Variants in MAN1A2 observed in about 807,000 individuals in gnomAD.
The protein encoded by MAN1A2 is mannosidase alpha class 1A member 2, also known as mannosyl-oligosaccharide 1,2-alpha-mannosidase IB.
Under a neutral mutation model 75.7 loss-of-function variants are expected in MAN1A2, and 26 were observed. That is an observed-to-expected ratio of 0.34 (90% confidence interval 0.25 to 0.48). The LOEUF (loss-of-function observed/expected upper bound fraction) is 0.48, where lower values mean the gene tolerates loss of function less well. Among genes scored for constraint, MAN1A2 ranks in the 20% least tolerant of loss-of-function variants. The pLI is 0.99. For missense variants in MAN1A2, 562 were observed against 775.5 expected (o/e 0.72, Z 3.27); for synonymous variants, 247 against 264.6 (o/e 0.93, Z 0.65).
At chr1:117,420,086 A>G (rs1320007454) in intron 4 of MAN1A2, among the ~76,000 whole-genome samples, 3 of 152,088 alleles carry the variant, frequency 2.0e-5, no homozygotes, top group Non-Finnish European at 4.4e-5. Context: ...ATAATCCATC[A>G]TTCTGCCATT....
At chr1:117,475,841 T>G (rs911888126) in intron 8 of MAN1A2, among the ~76,000 whole-genome samples, 1 of 152,172 alleles carries the variant, frequency 6.6e-6, no homozygotes, top group Non-Finnish European at 1.5e-5. Flanking sequence ...GCATGCATCT[T>G]TATAGTAGAA....
chr1:117,487,812 C>T (rs956942027), intron 8 of MAN1A2, among the ~76,000 whole-genome samples: 7 of 152,026 alleles, frequency 4.6e-5, no homozygotes, highest in Admixed American at 2.6e-4. Context: ...TCCCTATCTA[C>T]TCTATTCATT....
chr1:117,509,065 C>A (rs967788119), intron 12 of MAN1A2, among the ~76,000 whole-genome samples: 31 of 150,044 alleles, frequency 2.1e-4, no homozygotes, highest in African/African-American at 7.6e-4. Context: ...TGGCATGATA[C>A]AAAACCCAAA....
intron 8 of MAN1A2, among the ~76,000 whole-genome samples, chr1:117,473,115 C>A (rs1650212873): frequency 6.6e-6 from 1 of 151,984 alleles, no homozygotes; most frequent in Non-Finnish European, 1.5e-5. Context: ...ATACCTGAAA[C>A]TTAATATATC....
intron 8 of MAN1A2, among the ~76,000 whole-genome samples, chr1:117,470,418 A>G (rs1220730770): frequency 6.6e-6 from 1 of 152,102 alleles, no homozygotes; most frequent in African/African-American, 2.4e-5. Flanking sequence ...AGCACTGTGA[A>G]TATAATTAAT....
intron 11 of MAN1A2, among the ~76,000 whole-genome samples, chr1:117,501,649 CA>C (rs1651205934): frequency 6.6e-6 from 1 of 151,698 alleles, no homozygotes; most frequent in Non-Finnish European, 1.5e-5. Context: ...CTCTTGTATC[CA>C]AAATTTCTTT....
chr1:117,425,989 T>C (rs1185712675), intron 5 of MAN1A2, among the ~76,000 whole-genome samples: 3 of 152,320 alleles, frequency 2.0e-5, no homozygotes, highest in African/African-American at 4.8e-5. Context: ...CAGCTTCCTT[T>C]AACATTTTTT....
intron 5 of MAN1A2, among the ~76,000 whole-genome samples, chr1:117,435,574 T>G (rs1006458693): frequency 6.6e-6 from 1 of 152,196 alleles, no homozygotes; most frequent in African/African-American, 2.4e-5. Flanking sequence ...CTTGTGTTAT[T>G]ATGTCAGTAG....
Position 117,526,880 on chromosome 1 carries a change from C to CTCTCTCTCTCTCTATA in MAN1A2, c.*3924_*3925insCTCTCTCTCTCTATAT. Reference sequence around the variant, plus strand: ...TCTCTCTCTCTCTCTCTCTCTCTCTCTATATATATATATATATATATATAT... The same window carrying CTCTCTCTCTCTCTATA: ...TCTCTCTCTCTCTCTCTCTCTCTCTCTCTCTCTCTCTCTATATATATATATATATATATATATATAT... On this transcript the variant is annotated 3_prime_UTR_variant, in exon 13 of 13. Coordinates refer to ENST00000356554, the MANE Select transcript of MAN1A2 (RefSeq NM_006699.5). 4.6e-4 allele frequency: 25 copies of CTCTCTCTCTCTCTATA among 54,510 alleles called. No homozygotes were observed. The highest frequency in any genetic ancestry group is 1.2e-3 in the African/African-American group (15 of 12,280). 3.4% of individuals were successfully genotyped at this position (54,510 alleles called of 1,614,324 possible).
chr1:117,521,830 C>T lies in MAN1A2; in HGVS notation c.1794-995C>T, dbSNP rs546531806. 3.9e-5 allele frequency among the ~76,000 whole-genome samples: 6 copies of T among 151,972 alleles called. 1 individual carries two copies. The highest frequency in any genetic ancestry group is 4.2e-4 in the South Asian group (2 of 4,818). Reference sequence around the variant, plus strand: ...ATAAAGAAACTGTGGTATATTTATACGATGGACTACTACTCAGCTATAAAA... The same window carrying T: ...ATAAAGAAACTGTGGTATATTTATATGATGGACTACTACTCAGCTATAAAA... On this transcript the variant is annotated intron_variant, in intron 12 of 12. Transcript: ENST00000356554.
intron 5 of MAN1A2, among the ~76,000 whole-genome samples, chr1:117,427,290 T>C (rs1648407002): frequency 6.6e-6 from 1 of 152,070 alleles, no homozygotes; most frequent in Non-Finnish European, 1.5e-5. Flanking sequence ...ATTTCTGAAA[T>C]GACCAAATAG....
chr1:117,448,365 G>A (rs1190890858), intron 6 of MAN1A2, among the ~76,000 whole-genome samples: 1 of 152,138 alleles, frequency 6.6e-6, no homozygotes, highest in African/African-American at 2.4e-5. Context: ...GCAGAAAAAT[G>A]TAGCTCATTA....
intron 1 of MAN1A2, among the ~76,000 whole-genome samples, chr1:117,377,916 C>T (rs1327858205): frequency 1.3e-5 from 2 of 151,912 alleles, no homozygotes; most frequent in East Asian, 1.9e-4. Flanking sequence ...CTGGCTAACA[C>T]GCTGAAACCC....
intron 2 of MAN1A2, among the ~76,000 whole-genome samples, chr1:117,403,041 G>A (rs1647493746): frequency 6.6e-6 from 1 of 152,068 alleles, no homozygotes; most frequent in Admixed American, 6.6e-5. Flanking sequence ...AATACCAGAT[G>A]GGAAAAATCT....
intron 2 of MAN1A2, among the ~76,000 whole-genome samples, chr1:117,404,326 ATTATATAATTCG>A (rs1003080132): frequency 3.9e-5 from 6 of 152,198 alleles, no homozygotes; most frequent in African/African-American, 1.4e-4. Flanking sequence ...TTGGTCTACT[ATTATATAATTCG>A]TCTGATATAT....
intron 4 of MAN1A2, 28 bp downstream of exon 4, chr1:117,414,859 T>G: frequency 2.3e-6 from 3 of 1,303,710 alleles, no homozygotes; most frequent in Non-Finnish European, 3.3e-6. Flanking sequence ...AACTAATCTC[T>G]TAGATTAACC....
At chr1:117,415,017 T>C (rs954982729) in intron 4 of MAN1A2, among the ~76,000 whole-genome samples, 186 bp downstream of exon 4, 2 of 151,942 alleles carry the variant, frequency 1.3e-5, no homozygotes, top group Non-Finnish European at 2.9e-5. Flanking sequence ...CTCTCATGAA[T>C]GGAAAAAATA....
intron 7 of MAN1A2, among the ~76,000 whole-genome samples, chr1:117,462,741 GT>G (rs1649859770): frequency 6.6e-6 from 1 of 152,148 alleles, no homozygotes; most frequent in African/African-American, 2.4e-5. Flanking sequence ...TGGAGCTGGT[GT>G]TATGTGCCGC....
At chr1:117,417,786 A>G (rs915657216) in intron 4 of MAN1A2, among the ~76,000 whole-genome samples, 12 of 151,462 alleles carry the variant, frequency 7.9e-5, no homozygotes, top group African/African-American at 2.4e-4. Context: ...AACCCTAAGT[A>G]GGCAGTTTGA....
Sources: gnomAD v4.1 joint callset for allele counts (sites outside exome capture counted in the v4.1 genomes callset) on GRCh38, gnomAD v4.1.1 for gene constraint, MANE v1.5 for transcripts, NCBI Gene and HGNC (gene_info 2026-07-23, HGNC 2026-07-21) for gene names.